NTN1: variants seen among roughly 807,000 people sequenced by gnomAD.
The protein encoded by NTN1 is netrin 1.
NTN1 carries 11 observed loss-of-function variants against 54.2 expected under a neutral mutation model. The observed-to-expected ratio is 0.20, with a 90% CI of 0.13 to 0.34. The LOEUF (loss-of-function observed/expected upper bound fraction) is 0.34, where lower values mean the gene tolerates loss of function less well. Ranked by LOEUF, NTN1 falls within the 10% of genes least tolerant of loss-of-function variation. NTN1 has a pLI of 1.00. For missense variants in NTN1, 740 were observed against 893.1 expected, an observed-to-expected ratio of 0.83 and a Z score of 2.18; for synonymous variants, 371 against 382.0, an observed-to-expected ratio of 0.97 and a Z score of 0.33.
At chr17:9,022,082 G>C (rs1467836473) in intron 1 of NTN1, among the ~76,000 whole-genome samples, 3 of 151,966 alleles carry the variant, frequency 2.0e-5, no homozygotes, top group African/African-American at 7.2e-5. Flanking sequence ...GGCGGTGGCG[G>C]GGAAGCAGAG....
At chr17:9,163,724 A>G (rs569231084) in intron 3 of NTN1, among the ~76,000 whole-genome samples, 1 of 152,378 alleles carries the variant, frequency 6.6e-6, no homozygotes, top group South Asian at 2.1e-4. Context: ...AGCAATGGTC[A>G]GATGATTCAG....
At chr17:9,225,846 C>T (rs1377669708) in intron 6 of NTN1, among the ~76,000 whole-genome samples, 5 of 152,334 alleles carry the variant, frequency 3.3e-5, no homozygotes, top group African/African-American at 7.2e-5. Context: ...TTCCAGAAGC[C>T]GCTAATGAGA....
chr17:9,081,056 A>G (rs1005248339), intron 2 of NTN1, among the ~76,000 whole-genome samples: 2 of 152,216 alleles, frequency 1.3e-5, no homozygotes, highest in African/African-American at 4.8e-5. Flanking sequence ...CAGAAGCACA[A>G]GTAAAACAAC....
intron 6 of NTN1, among the ~76,000 whole-genome samples, chr17:9,238,893 C>T (rs916436627): frequency 6.6e-6 from 1 of 152,184 alleles, no homozygotes; most frequent in Admixed American, 6.5e-5. Context: ...TGGGGCGGGG[C>T]CCAGCAGTGT....
intron 6 of NTN1, among the ~76,000 whole-genome samples, chr17:9,236,555 C>T (rs932889137): frequency 1.3e-5 from 2 of 152,230 alleles, no homozygotes; most frequent in Admixed American, 6.5e-5. Context: ...GGAAATGTGG[C>T]CTTTTTCCAG....
intron 2 of NTN1, among the ~76,000 whole-genome samples, chr17:9,083,837 C>T (rs758512582): frequency 3.3e-5 from 5 of 152,154 alleles, no homozygotes; most frequent in Non-Finnish European, 5.9e-5. Context: ...CATTTTGGGT[C>T]GAGTTTTCTG....
Position 9,047,284 on chromosome 17 carries a change from A to G in NTN1, c.1018+23893A>G, listed in dbSNP as rs74889208. Among the ~76,000 whole-genome samples, 7 of 152,356 alleles carry G rather than the reference A, an allele frequency of 4.6e-5. No individual in the cohort carries two copies. The East Asian group carries it at 1.3e-3, about 29-fold the overall frequency. On this transcript the variant is annotated intron_variant, in intron 2 of 6. Transcript: ENST00000173229. ...TCATGAAAGATTTTGCTGTAGCTGC[A>G]TAATAGTATTTTACCCACAGTAGAA...
the NTN1 span, among the ~76,000 whole-genome samples, chr17:9,011,685 G>T: frequency 6.6e-6 from 1 of 152,152 alleles, no homozygotes; most frequent in Non-Finnish European, 1.5e-5. Flanking sequence ...TGCCTCCCAG[G>T]TTCAAGTGAT....
At chr17:9,071,280 A>G (rs142935850) in intron 2 of NTN1, among the ~76,000 whole-genome samples, 148 of 152,002 alleles carry the variant, frequency 9.7e-4, no homozygotes, top group African/African-American at 2.7e-3. Flanking sequence ...ATTTTCTTCC[A>G]TGTTTCTCAA....
At chr17:9,105,848 G>A (rs1051052776) in intron 2 of NTN1, among the ~76,000 whole-genome samples, 3 of 152,042 alleles carry the variant, frequency 2.0e-5, no homozygotes, top group Admixed American at 6.6e-5. Flanking sequence ...TAAAGACAGA[G>A]GGAGGTGGGT....
chr17:9,090,844 G>T (rs2092108099), intron 2 of NTN1, among the ~76,000 whole-genome samples: 1 of 152,158 alleles, frequency 6.6e-6, no homozygotes, highest in Admixed American at 6.5e-5. Context: ...CTGAGGGTGG[G>T]TGCCCATCTA....
intron 2 of NTN1, among the ~76,000 whole-genome samples, chr17:9,073,367 C>A (rs981244931): frequency 6.6e-6 from 1 of 152,186 alleles, no homozygotes; most frequent in South Asian, 2.1e-4. Context: ...CAAGTCCCCA[C>A]GAGAGTTCTC....
At chr17:9,202,165 C>T (rs7211713) in intron 5 of NTN1, among the ~76,000 whole-genome samples, 2 of 150,980 alleles carry the variant, frequency 1.3e-5, no homozygotes, top group Non-Finnish European at 2.9e-5. Context: ...CGCTTGAACC[C>T]GGGAAGCAGA....
In NTN1 at chr17:9,032,401, G is replaced by A. The variant is rs1235063569; in HGVS notation, c.1018+9010G>A. 2.6e-5 allele frequency among the ~76,000 whole-genome samples: 4 copies of A among 152,102 alleles called. No homozygotes were observed. In the East Asian group the frequency reaches 5.8e-4, roughly 22 times the overall value. On this transcript the variant is annotated intron_variant, in intron 2 of 6. Coordinates refer to ENST00000173229, the MANE Select transcript of NTN1 (RefSeq NM_004822.3). Reference sequence around the variant, plus strand: ...GATTTTGAAACAAAAGCTTATCACTGTCCCTACACTCAAAAGAAATTATGC... The same window carrying A: ...GATTTTGAAACAAAAGCTTATCACTATCCCTACACTCAAAAGAAATTATGC...
chr17:9,062,322 A>T (rs977218045), intron 2 of NTN1, among the ~76,000 whole-genome samples: 5 of 152,176 alleles, frequency 3.3e-5, no homozygotes, highest in Non-Finnish European at 7.3e-5. Context: ...CTGTACCTAA[A>T]GTGTTGGGAT....
intron 2 of NTN1, among the ~76,000 whole-genome samples, chr17:9,103,845 G>A (rs2142244463): frequency 6.6e-6 from 1 of 152,128 alleles, no homozygotes; most frequent in Admixed American, 6.5e-5. Flanking sequence ...CAGCACTTTG[G>A]GAGGTCGAGG....
intron 5 of NTN1, among the ~76,000 whole-genome samples, chr17:9,209,232 A>T (rs1474712844): frequency 6.6e-6 from 1 of 152,220 alleles, no homozygotes; most frequent in Admixed American, 6.5e-5. Flanking sequence ...ACCCCAGATC[A>T]TAGGTTGGAT....
intron 5 of NTN1, among the ~76,000 whole-genome samples, chr17:9,208,810 A>G (rs1033920755): frequency 3.9e-5 from 6 of 152,206 alleles, no homozygotes; most frequent in African/African-American, 1.4e-4. Flanking sequence ...GGCCTGTGGC[A>G]CAGCCAAGAA....
intron 5 of NTN1, among the ~76,000 whole-genome samples, chr17:9,209,442 G>A (rs1410377043): frequency 2.0e-5 from 3 of 152,238 alleles, no homozygotes; most frequent in African/African-American, 4.8e-5. Flanking sequence ...ACTCAGGCCT[G>A]GTGTTTGAGG....
Sources: allele counts gnomAD v4.1 joint callset (sites outside exome capture counted in the v4.1 genomes callset), GRCh38; gene constraint gnomAD v4.1.1; transcripts MANE v1.5; gene names NCBI Gene and HGNC (gene_info 2026-07-23, HGNC 2026-07-21).